Variants in MAPK10 observed in about 807,000 individuals in gnomAD.
The protein encoded by MAPK10 is JNK3 alpha protein kinase.
A neutral mutation model predicts 59.3 loss-of-function variants in MAPK10; 25 were observed. That is an observed-to-expected ratio of 0.42 (90% CI 0.31 to 0.59). The LOEUF (loss-of-function observed/expected upper bound fraction) is 0.59. Ranked by LOEUF, MAPK10 falls within the 20% of genes least tolerant of loss-of-function variation. MAPK10 has a pLI of 0.15. For synonymous variants in MAPK10, 190 were observed against 200.5 expected (o/e 0.95, Z 0.44); for missense variants, 351 against 568.9 (o/e 0.62, Z 3.90).
chr4:86,123,312 G>C (rs950537972), intron 4 of MAPK10, among the ~76,000 whole-genome samples: 1 of 151,992 alleles, frequency 6.6e-6, no homozygotes, highest in East Asian at 1.9e-4. Context: ...TGAACACTTA[G>C]ATTGATTTCT....
At chr4:86,053,551 C>A (rs879542220) in intron 11 of MAPK10, among the ~76,000 whole-genome samples, 1 of 152,102 alleles carries the variant, frequency 6.6e-6, no homozygotes, top group Non-Finnish European at 1.5e-5. Flanking sequence ...TACTCCTATT[C>A]TTTTCTCTTT....
chr4:86,444,255 C>T (rs2149049683), intron 1 of MAPK10, among the ~76,000 whole-genome samples: 1 of 152,108 alleles, frequency 6.6e-6, no homozygotes, highest in East Asian at 1.9e-4. Flanking sequence ...AGAATAAATG[C>T]CCCAAAACTA....
chr4:86,203,297 G>A (rs2083060263), intron 2 of MAPK10, among the ~76,000 whole-genome samples: 1 of 151,866 alleles, frequency 6.6e-6, no homozygotes, highest in Non-Finnish European at 1.5e-5. Context: ...ATACACTTAA[G>A]AATTTATTAG....
chr4:86,156,574 T>C (rs547014141), intron 4 of MAPK10, among the ~76,000 whole-genome samples: 1 of 152,176 alleles, frequency 6.6e-6, no homozygotes, highest in East Asian at 1.9e-4. Flanking sequence ...CTGTCTCTGC[T>C]AAACTTAGTT....
At chr4:86,341,233 C>A (rs938956289) in intron 2 of MAPK10, among the ~76,000 whole-genome samples, 1 of 152,174 alleles carries the variant, frequency 6.6e-6, no homozygotes, top group Non-Finnish European at 1.5e-5. Flanking sequence ...AGTCTTTGTG[C>A]AAATTAGAAA....
intron 2 of MAPK10, among the ~76,000 whole-genome samples, chr4:86,255,553 C>A (rs543781945): frequency 6.6e-6 from 1 of 152,252 alleles, no homozygotes; most frequent in South Asian, 2.1e-4. Flanking sequence ...ACTTTGGAGA[C>A]CACACCATAT....
intron 2 of MAPK10, among the ~76,000 whole-genome samples, chr4:86,215,515 A>G (rs1212983360): frequency 1.3e-5 from 2 of 152,244 alleles, no homozygotes. Context: ...ACAGATAAAA[A>G]GAAATTCAAA....
chr4:86,030,946 T>C (rs897027201), intron 12 of MAPK10, among the ~76,000 whole-genome samples: 1 of 152,120 alleles, frequency 6.6e-6, no homozygotes, highest in Non-Finnish European at 1.5e-5. Flanking sequence ...AGTAAACTCA[T>C]ATATTGACTA....
intron 1 of MAPK10, among the ~76,000 whole-genome samples, chr4:86,372,571 A>AGAAAG (rs1554253762): frequency 1.5e-4 from 23 of 148,590 alleles, no homozygotes; most frequent in Admixed American, 3.4e-4. Context: ...AAAGAAAGAA[A>AGAAAG]AGAAAAGAAA....
intron 1 of MAPK10, among the ~76,000 whole-genome samples, chr4:86,547,190 G>A (rs938458386): frequency 2.0e-5 from 3 of 152,198 alleles, no homozygotes; most frequent in Non-Finnish European, 2.9e-5. Flanking sequence ...TCCTCTCGGC[G>A]CCTCCCCTGC....
chr4:86,062,911 T>C (rs897264856), intron 11 of MAPK10, among the ~76,000 whole-genome samples: 3 of 152,186 alleles, frequency 2.0e-5, no homozygotes, highest in African/African-American at 7.2e-5. Flanking sequence ...TAGAACATTA[T>C]AATTAAACTC....
intron 2 of MAPK10, chr4:86,327,138 CT>C (rs11404211): frequency 0.015 from 2,093 of 139,822 alleles, 12 homozygotes; most frequent in African/African-American, 0.017. Context: ...ACCCAGCTAA[CT>C]TTTTTTTTTT....
At chr4:86,338,901 C>G (rs1463904625) in intron 2 of MAPK10, among the ~76,000 whole-genome samples, 1 of 151,956 alleles carries the variant, frequency 6.6e-6, no homozygotes, top group Non-Finnish European at 1.5e-5. Context: ...CTACCTGACA[C>G]AGTATTAAAA....
At chr4:86,426,737 G>A (rs1469525013) in intron 1 of MAPK10, among the ~76,000 whole-genome samples, 1 of 152,130 alleles carries the variant, frequency 6.6e-6, no homozygotes, top group Admixed American at 6.5e-5. Context: ...GATAGCTCTT[G>A]TGCAAGTCAT....
chr4:86,560,642 T>C (rs943063342), intron 1 of MAPK10, among the ~76,000 whole-genome samples: 6 of 152,244 alleles, frequency 3.9e-5, no homozygotes, highest in African/African-American at 1.4e-4. Context: ...TCTAAAGTAG[T>C]TAAGTAGTAA....
intron 1 of MAPK10, among the ~76,000 whole-genome samples, chr4:86,583,115 A>G (rs1456556911): frequency 6.6e-6 from 1 of 152,176 alleles, no homozygotes; most frequent in East Asian, 1.9e-4. Context: ...CATGTAGTAC[A>G]GTACCTAAAG....
At chr4:86,592,406 T>C (rs1414162156) in intron 1 of MAPK10, among the ~76,000 whole-genome samples, 3 of 152,066 alleles carry the variant, frequency 2.0e-5, no homozygotes, top group African/African-American at 7.2e-5. Flanking sequence ...CTAACAACAC[T>C]GTGGTTTGTC....
At chr4:86,240,575 C>T (rs1008470131) in intron 2 of MAPK10, among the ~76,000 whole-genome samples, 1 of 151,982 alleles carries the variant, frequency 6.6e-6, no homozygotes, top group Non-Finnish European at 1.5e-5. Context: ...TTAACTGTTC[C>T]CTTTATCGTT....
intron 1 of MAPK10, among the ~76,000 whole-genome samples, chr4:86,459,851 C>T (rs1751571359): frequency 6.6e-6 from 1 of 151,894 alleles, no homozygotes; most frequent in African/African-American, 2.4e-5. Context: ...CAAAATCTCA[C>T]AAATCATCAC....
Sources: allele counts gnomAD v4.1 joint callset (sites outside exome capture counted in the v4.1 genomes callset), GRCh38; gene constraint gnomAD v4.1.1; transcripts MANE v1.5; gene names NCBI Gene and HGNC (gene_info 2026-07-23, HGNC 2026-07-21).